C17orf58: variants seen among roughly 807,000 people sequenced by gnomAD.
C17orf58 encodes UPF0450 protein C17orf58.
C17orf58 carries 5 observed loss-of-function variants against 7.4 expected under a neutral mutation model. The observed-to-expected ratio is 0.67, with a 90% CI of 0.35 to 1.42. C17orf58 has a LOEUF of 1.42. C17orf58 is among the 40% of genes most tolerant of loss of function. The pLI, the probability that C17orf58 is intolerant of heterozygous loss-of-function variation, is 0.04. For synonymous variants in C17orf58, 60 were observed against 70.6 expected, an observed-to-expected ratio of 0.85 and a Z score of 0.75; for missense variants, 162 against 174.2, an observed-to-expected ratio of 0.93 and a Z score of 0.40.
intron 1 of C17orf58, 90 bp from the exon 2 acceptor site, chr17:67,994,074 AG>A (rs2070868692): frequency 2.9e-6 from 1 of 345,488 alleles, no homozygotes; most frequent in African/African-American, 2.2e-5. Flanking sequence ...GAAGCCGAGA[AG>A]GAAGAAGAGG....
At position 67,993,294 on chromosome 17, in the gene C17orf58, C is replaced by T. The variant is rs1309562518; in HGVS notation, c.638-59G>A. ...ACCCCGAGTTCCTCTCCCAGTCCCC[C>T]AGGAGGTGGTTTTTAGCAACCGCGA... On this transcript the variant is annotated intron_variant, in intron 2 of 3. Transcript: ENST00000580729. The surrounding 1 kb of genome is among the most constrained non-coding windows in gnomAD (Gnocchi z 5.1). 57 of 1,126,712 alleles carry T rather than the reference C, an allele frequency of 5.1e-5. No individual in the cohort carries two copies. In the Middle Eastern group the frequency reaches 6.2e-4, roughly 12 times the overall value. The allele number at this position is 1,126,712 out of a possible 1,614,324, so 69.8% of individuals were successfully genotyped here. A position where few individuals can be genotyped will look rare whatever the true frequency, so the allele number is the denominator to read the frequency against.
rs1229197107 is a variant in C17orf58 at position 67,993,748 on chromosome 17, G to C, written c.313C>G (p.Leu105Val). 3 of 153,022 alleles carry C rather than the reference G, an allele frequency of 2.0e-5. No individual in the cohort carries two copies. Among genetic ancestry groups the C allele is most frequent in the Non-Finnish European group, 4.3e-5 (3 of 70,406 alleles). 9.5% of individuals were successfully genotyped at this position (153,022 alleles called of 1,614,324 possible). Residue 105 changes from leucine (L) to valine (V), a missense_variant, in exon 2 of 4, where the codon CTG (leucine) becomes GTG (valine). Around this residue, in one of 3 missense-constraint regions of C17orf58, gnomAD observed 93 missense variants for 90.4 expected, o/e 1.03. Coordinates refer to ENST00000580729, the MANE Select transcript of C17orf58 (RefSeq NM_001382359.1). This position sits in a 1 kb window ranked among gnomAD's most constrained non-coding sequence, Gnocchi z 5.1. ...RAPAGPPGPR[L>V]AQAENRASPR... ...GACGCGCGGTTCTCGGCTTGCGCCA[G>C]GCGCGGGCCCGGCGGGCCAGCGGGC...
Position 67,993,402 on chromosome 17 carries a change from G to A in C17orf58, c.637+22C>T, listed in dbSNP as rs1555699467. On this transcript the variant is annotated intron_variant, in intron 2 of 3. Transcript: ENST00000580729. This position sits in a 1 kb window ranked among gnomAD's most constrained non-coding sequence, Gnocchi z 5.1. Reference sequence around the variant, plus strand: ...GAAAGGCTCGCGGGGCGGCGGGGCGGCGGCGCGGCGGCCGGGCTCACCGAA... The same window carrying A: ...GAAAGGCTCGCGGGGCGGCGGGGCGACGGCGCGGCGGCCGGGCTCACCGAA... The A allele has an allele frequency of 1.7e-5, 10 of 574,502 alleles. No homozygotes were observed. The highest frequency in any genetic ancestry group is 1.4e-4 in the African/African-American group (7 of 51,506). The allele number at this position is 574,502 out of a possible 1,614,324, so 35.6% of individuals were successfully genotyped here.
Position 67,993,409 on chromosome 17 carries a change from G to A in C17orf58, c.637+15C>T. ...TCGCGGGGCGGCGGGGCGGCGGCGC[G>A]GCGGCCGGGCTCACCGAATTCGCTC... On this transcript the variant is annotated intron_variant, in intron 2 of 3. Transcript: ENST00000580729. The surrounding 1 kb of genome is among the most constrained non-coding windows in gnomAD (Gnocchi z 5.1). 1.8e-6 allele frequency: 1 copy of A among 571,306 alleles called. No individual in the cohort carries two copies. The allele number at this position is 571,306 out of a possible 1,614,324, so 35.4% of individuals were successfully genotyped here.
intron 1 of C17orf58, 48 bp downstream of exon 1, chr17:67,996,075 C>A (rs567538200): frequency 3.5e-5 from 14 of 398,978 alleles, no homozygotes; most frequent in South Asian, 1.3e-4. Context: ...AGCTCCCCCC[C>A]ACAGATCCCC....
intron 1 of C17orf58, among the ~76,000 whole-genome samples, chr17:67,994,519 T>C (rs1374946709): frequency 1.7e-5 from 2 of 118,574 alleles, no homozygotes; most frequent in African/African-American, 2.8e-5. Context: ...TGTGTGTGTA[T>C]ATATATATAT....
chr17:67,994,535 T>TATATATATATA (rs71142122), intron 1 of C17orf58, among the ~76,000 whole-genome samples: 2 of 100,310 alleles, frequency 2.0e-5, no homozygotes, highest in Non-Finnish European at 2.3e-5. Flanking sequence ...TATATATATA[T>TATATATATATA]AAAACATATA....
intron 1 of C17orf58, among the ~76,000 whole-genome samples, chr17:67,994,510 G>A (rs71382158): frequency 0.42 from 26,824 of 64,334 alleles, 5,290 homozygotes; most frequent in Non-Finnish European, 0.51. Flanking sequence ...GTGTGTGTGT[G>A]TGTGTGTATA....
chr17:67,995,531 C>T (rs1453389461), intron 1 of C17orf58, among the ~76,000 whole-genome samples: 1 of 152,216 alleles, frequency 6.6e-6, no homozygotes, highest in Admixed American at 6.5e-5. Flanking sequence ...AAACACGATC[C>T]CCCAGAGAAC....
Position 67,993,842 on chromosome 17 carries a change from AGGCCAGGCGCGGG to A in C17orf58, c.206_218del (p.Ala69ValfsTer142). ...GTGGGGGCTTCCGGCGGCGCGGGTC[AGGCCAGGCGCGGG>A]CGGCGGGAGCGACCTCGGCCGCGCG... On this transcript the variant is annotated frameshift_variant, in exon 2 of 4. Transcript: ENST00000580729. LOFTEE classifies it high-confidence loss of function. The surrounding 1 kb of genome is among the most constrained non-coding windows in gnomAD (Gnocchi z 5.1). The A allele has an allele frequency of 3.1e-6, 1 of 324,050 alleles. No homozygotes were observed. Among genetic ancestry groups the A allele is most frequent in the Non-Finnish European group, 5.5e-6 (1 of 182,100 alleles). 20.1% of individuals were successfully genotyped at this position (324,050 alleles called of 1,614,324 possible).
rs782692575 is a variant in C17orf58 at position 67,991,595 on chromosome 17, TATTAA to T, written c.*313_*317del. 9 of 147,802 alleles carry T rather than the reference TATTAA, an allele frequency of 6.1e-5. No homozygotes were observed. Among genetic ancestry groups the T allele is most frequent in the South Asian group, 2.1e-4 (1 of 4,674 alleles). 9.2% of individuals were successfully genotyped at this position (147,802 alleles called of 1,614,324 possible). A position where few individuals can be genotyped will look rare whatever the true frequency, so the allele number is the denominator to read the frequency against. ...TTTGTGGACTATTTCTACTAAAGAA[TATTAA>T]ATTAAAATAATTTAAAAACTTATGA... On this transcript the variant is annotated 3_prime_UTR_variant, in exon 4 of 4. Coordinates refer to ENST00000580729, the MANE Select transcript of C17orf58 (RefSeq NM_001382359.1).
rs1555699261 is a variant in C17orf58, at chr17:67,991,784, A to G, written c.*129T>C. The G allele has an allele frequency of 1.3e-5, 9 of 713,928 alleles. No homozygotes were observed. Among genetic ancestry groups the G allele is most frequent in the Non-Finnish European group, 2.1e-5 (9 of 438,540 alleles). 44.2% of individuals were successfully genotyped at this position (713,928 alleles called of 1,614,324 possible). A position where few individuals can be genotyped will look rare whatever the true frequency, so the allele number is the denominator to read the frequency against. On this transcript the variant is annotated 3_prime_UTR_variant, in exon 4 of 4. Transcript: ENST00000580729. ...CACCTTCGAGATTACAGTTGCAGCT[A>G]TGCAAGTCATTCACAGAGTAGCTGA...
intron 1 of C17orf58, 30 bp downstream of exon 1, chr17:67,996,093 T>A (rs1284269248): frequency 1.0e-5 from 4 of 397,110 alleles, no homozygotes; most frequent in African/African-American, 2.1e-5. Context: ...CCCGCTCCGC[T>A]CCCAGGGCCC....
In C17orf58 at chr17:67,993,474, G is replaced by C. The variant is rs1269608462; in HGVS notation, c.587C>G (p.Ala196Gly). The change falls in exon 2 of 4, where the codon GCC becomes GGC. Residue 196 changes from alanine to glycine, a missense_variant. Physicochemically the swap from Ala to Gly is moderately conservative, Grantham distance 60. This residue lies in a region of C17orf58 where 93 missense variants were observed against 90.4 expected (regional missense o/e 1.03). Transcript: ENST00000580729. This position sits in a 1 kb window ranked among gnomAD's most constrained non-coding sequence, Gnocchi z 5.1. ...AEPGAEPCAR[A>G]CRSDLDEREA... ...GCGTTCGTCCAGATCGGACCGGCAG[G>C]CGCGCGCGCAGGGCTCAGCGCCGGG... 2.2e-6 allele frequency: 1 copy of C among 451,360 alleles called. No homozygotes were observed. The highest frequency in any genetic ancestry group is 3.9e-6 in the Non-Finnish European group (1 of 258,828). The allele number at this position is 451,360 out of a possible 1,614,324, so 28.0% of individuals were successfully genotyped here.
At chr17:67,994,481 TGTGTGC>T (rs1196066633) in intron 1 of C17orf58, among the ~76,000 whole-genome samples, 6 of 116,364 alleles carry the variant, frequency 5.2e-5, no homozygotes, top group Admixed American at 2.9e-4. Flanking sequence ...TATGTGTGTA[TGTGTGC>T]GTGTGCGTGT....
chr17:67,994,537 A>ATATATATATATAT (rs1555699628), intron 1 of C17orf58, among the ~76,000 whole-genome samples: 2 of 39,956 alleles, frequency 5.0e-5, no homozygotes, highest in Non-Finnish European at 8.0e-5. Flanking sequence ...TATATATATA[A>ATATATATATATAT]AACATATATA....
Position 67,994,654 on chromosome 17 carries a change from GACAACAGA to G in C17orf58, c.77-678_77-671del, listed in dbSNP as rs2070877762. ...TTCTCCTAATTCTTTAAGCGCCCCTGACAACAGAACTATTTGGTTTTCCCATCCATGTT... is the reference window on the plus strand; with the variant it reads ...TTCTCCTAATTCTTTAAGCGCCCCTGACTATTTGGTTTTCCCATCCATGTT... On this transcript the variant is annotated intron_variant, in intron 1 of 3. Transcript: ENST00000580729. Among the ~76,000 whole-genome samples the G allele has an allele frequency of 2.0e-5, 3 of 151,708 alleles. No homozygotes were observed. In the South Asian group the frequency reaches 6.2e-4, roughly 32 times the overall value.
chr17:67,994,395 T>G (rs1457524819), intron 1 of C17orf58, among the ~76,000 whole-genome samples: 1 of 151,356 alleles, frequency 6.6e-6, no homozygotes, highest in African/African-American at 2.4e-5. Flanking sequence ...AACCCCCTAT[T>G]TACTCTAAGA....
intron 1 of C17orf58, 22 bp from the exon 2 acceptor site, chr17:67,994,006 G>A: frequency 5.1e-6 from 2 of 394,330 alleles, no homozygotes; most frequent in Non-Finnish European, 4.5e-6. Flanking sequence ...GAAGAGGAGA[G>A]GCGGGAAGGC....
Sources: gnomAD v4.1 joint callset for allele counts (sites outside exome capture counted in the v4.1 genomes callset) on GRCh38, gnomAD v4.1.1 for gene constraint, gnomAD v4.1.1 regional missense constraint, Gnocchi (gnomAD v3.1) non-coding constraint, MANE v1.5 for transcripts, NCBI Gene and HGNC (gene_info 2026-07-23, HGNC 2026-07-21) for gene names.